Variants in KCTD8 observed in about 807,000 individuals in gnomAD.
KCTD8 encodes the protein BTB/POZ domain-containing protein KCTD8.
A neutral mutation model predicts 31.5 loss-of-function variants in KCTD8; 27 were observed. That is an observed-to-expected ratio of 0.86 (90% CI 0.63 to 1.18). The LOEUF (loss-of-function observed/expected upper bound fraction) is 1.18. Among genes scored for constraint, KCTD8 ranks in the 50% most tolerant of loss-of-function variants. The pLI is 0.00. For synonymous variants in KCTD8, 290 were observed against 280.0 expected (o/e 1.04, Z -0.36); for missense variants, 658 against 647.7 (o/e 1.02, Z -0.17).
intron 1 of KCTD8, among the ~76,000 whole-genome samples, chr4:44,208,949 TTTTG>T (rs771894227): frequency 1.3e-5 from 2 of 152,160 alleles, no homozygotes; most frequent in Non-Finnish European, 1.5e-5. Context: ...TAAGGGAGGA[TTTTG>T]TTTGTTTGTT....
chr4:44,267,169 A>G (rs1716405705), intron 1 of KCTD8, among the ~76,000 whole-genome samples: 1 of 152,162 alleles, frequency 6.6e-6, no homozygotes, highest in African/African-American at 2.4e-5. Flanking sequence ...GCAAATGTAA[A>G]AGAACAGAAA....
intron 1 of KCTD8, among the ~76,000 whole-genome samples, chr4:44,335,070 C>G (rs527630751): frequency 7.2e-5 from 11 of 151,966 alleles, no homozygotes; most frequent in African/African-American, 2.7e-4. Context: ...TCTGGCAAAA[C>G]GTTTTTTAAA....
chr4:44,345,236 T>C (rs531529401), intron 1 of KCTD8, among the ~76,000 whole-genome samples: 157 of 152,246 alleles, frequency 1.0e-3, no homozygotes, highest in Non-Finnish European at 1.8e-3. Flanking sequence ...TTTTAACTTA[T>C]TCAAAAATCC....
intron 1 of KCTD8, among the ~76,000 whole-genome samples, chr4:44,307,990 C>T (rs774845943): frequency 1.1e-4 from 17 of 151,924 alleles, no homozygotes; most frequent in East Asian, 1.9e-4. Context: ...CATGGGAATA[C>T]GACCCATATT....
chr4:44,220,352 T>C (rs7693846), intron 1 of KCTD8, among the ~76,000 whole-genome samples: 1,524 of 152,266 alleles, frequency 0.01, 36 homozygotes, highest in African/African-American at 0.035. Flanking sequence ...AATTGATAAA[T>C]CTTCAGAAGT....
At chr4:44,320,587 T>G (rs1246213143) in intron 1 of KCTD8, among the ~76,000 whole-genome samples, 2 of 152,244 alleles carry the variant, frequency 1.3e-5, no homozygotes, top group African/African-American at 4.8e-5. Flanking sequence ...GTAATAGACC[T>G]CACCAAATAA....
At chr4:44,382,848 T>C (rs1720110370) in intron 1 of KCTD8, among the ~76,000 whole-genome samples, 2 of 151,724 alleles carry the variant, frequency 1.3e-5, no homozygotes, top group Admixed American at 6.6e-5. Context: ...GAGATCCAAA[T>C]TGGAAAGAAG....
At position 44,174,952 on chromosome 4, in the gene KCTD8, G is replaced by A. The variant is rs764450090; in HGVS notation, c.1260C>T (p.Ser420=). The A allele has an allele frequency of 1.2e-6, 2 of 1,613,982 alleles. No individual in the cohort carries two copies. The highest frequency in any genetic ancestry group is 1.7e-6 in the Non-Finnish European group (2 of 1,179,984). ...TCTTTTTGGACAGATTTGTTTCCCGGGACTTGCTGATGAGGGTCTGAAAGA... is the reference window on the plus strand; with the variant it reads ...TCTTTTTGGACAGATTTGTTTCCCGAGACTTGCTGATGAGGGTCTGAAAGA... ...SELFQTLISK[S]RETNLSKKKV... Residue 420 remains serine (S), a synonymous_variant, in exon 2 of 2, where the codon TCC becomes TCT. Coordinates refer to ENST00000360029, the MANE Select transcript of KCTD8 (RefSeq NM_198353.3).
At chr4:44,347,513 T>C (rs1429012009) in intron 1 of KCTD8, among the ~76,000 whole-genome samples, 2 of 152,200 alleles carry the variant, frequency 1.3e-5, no homozygotes, top group South Asian at 4.1e-4. Context: ...AGGAGTTCCA[T>C]GAAGAAATCC....
intron 1 of KCTD8, among the ~76,000 whole-genome samples, chr4:44,295,802 C>A (rs1001301489): frequency 6.6e-6 from 1 of 152,124 alleles, no homozygotes; most frequent in African/African-American, 2.4e-5. Context: ...GACTGGGAAT[C>A]AAGTTTCTAA....
intron 1 of KCTD8, among the ~76,000 whole-genome samples, chr4:44,207,317 G>T (rs1447619434): frequency 1.3e-5 from 2 of 152,012 alleles, no homozygotes; most frequent in African/African-American, 2.4e-5. Flanking sequence ...TCATCTTCTT[G>T]GTAAGTTCTA....
intron 1 of KCTD8, among the ~76,000 whole-genome samples, chr4:44,328,326 C>T (rs745594488): frequency 3.3e-5 from 5 of 151,910 alleles, no homozygotes; most frequent in African/African-American, 7.3e-5. Flanking sequence ...AATTGACTTA[C>T]TATATTTTTA....
At chr4:44,325,196 G>C (rs1012296626) in intron 1 of KCTD8, among the ~76,000 whole-genome samples, 10 of 151,910 alleles carry the variant, frequency 6.6e-5, no homozygotes, top group Non-Finnish European at 1.5e-4. Flanking sequence ...GGTGGAAGCT[G>C]GATGTGCAAA....
intron 1 of KCTD8, among the ~76,000 whole-genome samples, chr4:44,402,678 A>C (rs984766111): frequency 6.6e-6 from 1 of 152,168 alleles, no homozygotes; most frequent in Admixed American, 6.6e-5. Flanking sequence ...TATTTAACTA[A>C]AAGTGGTTAT....
chr4:44,327,807 C>A (rs1718487686), intron 1 of KCTD8, among the ~76,000 whole-genome samples: 1 of 151,724 alleles, frequency 6.6e-6, no homozygotes, highest in East Asian at 1.9e-4. Flanking sequence ...TGAAGTAGAT[C>A]CTAACTCATA....
chr4:44,374,214 T>C (rs1012793466), intron 1 of KCTD8, among the ~76,000 whole-genome samples: 2 of 152,160 alleles, frequency 1.3e-5, no homozygotes, highest in South Asian at 2.1e-4. Flanking sequence ...AAAATGCATA[T>C]AGATGTGCTT....
intron 1 of KCTD8, among the ~76,000 whole-genome samples, chr4:44,405,281 C>T (rs577913431): frequency 3.5e-4 from 53 of 150,648 alleles, no homozygotes; most frequent in African/African-American, 1.2e-3. Flanking sequence ...TTTTGTGAGA[C>T]GGAGTCTCGC....
chr4:44,431,089 T>C (rs1721492120), intron 1 of KCTD8, among the ~76,000 whole-genome samples: 1 of 151,708 alleles, frequency 6.6e-6, no homozygotes, highest in Non-Finnish European at 1.5e-5. Flanking sequence ...ATAAAAACTT[T>C]ACGATACGTA....
intron 1 of KCTD8, among the ~76,000 whole-genome samples, chr4:44,258,035 G>A (rs1350538918): frequency 2.0e-5 from 3 of 151,882 alleles, no homozygotes; most frequent in Admixed American, 2.0e-4. Context: ...AATATATTTT[G>A]AGTTGCCTAT....
Sources: gnomAD v4.1 joint callset for allele counts (sites outside exome capture counted in the v4.1 genomes callset) on GRCh38, gnomAD v4.1.1 for gene constraint, MANE v1.5 for transcripts, NCBI Gene and HGNC (gene_info 2026-07-23, HGNC 2026-07-21) for gene names.